SORCS1: variants seen among roughly 807,000 people sequenced by gnomAD.
SORCS1 encodes VPS10 domain-containing receptor SorCS1.
A neutral mutation model predicts 146.1 loss-of-function variants in SORCS1; 60 were observed. That is an observed-to-expected ratio of 0.41 (90% CI 0.33 to 0.51). The LOEUF (loss-of-function observed/expected upper bound fraction) is 0.51. Ranked by LOEUF, SORCS1 falls within the 20% of genes least tolerant of loss-of-function variation. SORCS1 has a pLI of 0.21. For synonymous variants in SORCS1, 637 were observed against 584.0 expected (o/e 1.09, Z -1.31); for missense variants, 1,352 against 1,487.6 (o/e 0.91, Z 1.50).
chr10:106,636,386 T>C (rs1174605027), intron 18 of SORCS1, among the ~76,000 whole-genome samples: 1 of 152,214 alleles, frequency 6.6e-6, no homozygotes, highest in Non-Finnish European at 1.5e-5. Flanking sequence ...CTACTTTCTA[T>C]ATATTATCTT....
chr10:106,976,333 G>GTTTTTTTTTGTTTTTTTTTTTT (rs1554901319), intron 1 of SORCS1, among the ~76,000 whole-genome samples: 3 of 113,810 alleles, frequency 2.6e-5, no homozygotes, highest in Admixed American at 9.2e-5. Flanking sequence ...AGGTTTTTTT[G>GTTTTTTTTTGTTTTTTTTTTTT]TTTTTTTTTT....
intron 4 of SORCS1, among the ~76,000 whole-genome samples, chr10:106,766,387 A>G (rs1859576493): frequency 6.6e-6 from 1 of 152,168 alleles, no homozygotes; most frequent in South Asian, 2.1e-4. Context: ...CAAGAAAGAG[A>G]TGGTACCTTA....
intron 5 of SORCS1, among the ~76,000 whole-genome samples, chr10:106,755,584 T>TTGTGTGTGTG (rs57442916): frequency 6.7e-6 from 1 of 149,828 alleles, no homozygotes; most frequent in African/African-American, 2.5e-5. Context: ...AACATAATCT[T>TTGTGTGTGTG]TGTGTGTGTG....
At position 106,856,278 on chromosome 10, in the gene SORCS1, C is replaced by T. The variant is rs926744062; in HGVS notation, c.627-26605G>A. On this transcript the variant is annotated intron_variant, in intron 2 of 25. Transcript: ENST00000263054. Reference sequence around the variant, plus strand: ...CTGACCTCAGGTGATCCACCCACCTCGGCCTCCCAAAATGCTGGGATTACT... The same window carrying T: ...CTGACCTCAGGTGATCCACCCACCTTGGCCTCCCAAAATGCTGGGATTACT... Among the ~76,000 whole-genome samples the T allele has an allele frequency of 2.0e-5, 3 of 152,146 alleles. No homozygotes were observed. The East Asian group carries it at 5.8e-4, about 29-fold the overall frequency.
intron 1 of SORCS1, among the ~76,000 whole-genome samples, chr10:107,033,580 T>C (rs1958763999): frequency 6.6e-6 from 1 of 152,188 alleles, no homozygotes. Flanking sequence ...TAAACACCAA[T>C]TTCTCTATGC....
chr10:106,598,552 G>A (rs923839982), intron 23 of SORCS1, among the ~76,000 whole-genome samples: 1 of 151,962 alleles, frequency 6.6e-6, no homozygotes, highest in African/African-American at 2.4e-5. Flanking sequence ...GAGCCACTGC[G>A]CCCGGCCCAC....
chr10:106,637,017 C>T (rs1848767286), intron 18 of SORCS1, among the ~76,000 whole-genome samples: 1 of 152,216 alleles, frequency 6.6e-6, no homozygotes, highest in Non-Finnish European at 1.5e-5. Context: ...GTGTAATATG[C>T]CAGGCTCTGT....
chr10:106,887,983 T>A (rs1238553267), intron 2 of SORCS1, among the ~76,000 whole-genome samples: 1 of 152,214 alleles, frequency 6.6e-6, no homozygotes. Flanking sequence ...TGACTTATTA[T>A]GTAACATGAA....
At chr10:106,813,805 G>A (rs935852935) in intron 3 of SORCS1, among the ~76,000 whole-genome samples, 30 of 152,016 alleles carry the variant, frequency 2.0e-4, no homozygotes, top group African/African-American at 7.2e-4. Flanking sequence ...TGGCAGAGGG[G>A]ACAGTGGGCG....
intron 5 of SORCS1, among the ~76,000 whole-genome samples, chr10:106,758,806 G>A (rs1323842675): frequency 6.6e-6 from 1 of 152,184 alleles, no homozygotes; most frequent in Non-Finnish European, 1.5e-5. Context: ...AGATCCTGGA[G>A]AAAGAAGATG....
At chr10:106,629,479 G>T in intron 18 of SORCS1, 91 bp from the exon 19 acceptor site, 2 of 1,375,280 alleles carry the variant, frequency 1.5e-6, no homozygotes, top group East Asian at 2.4e-5. Context: ...CTAGTCCCTG[G>T]CTCAGGCATG....
intron 1 of SORCS1, among the ~76,000 whole-genome samples, chr10:107,135,280 GAAGACTA>G (rs1428653407): frequency 1.3e-5 from 2 of 152,204 alleles, no homozygotes; most frequent in Non-Finnish European, 2.9e-5. Context: ...CCAGAAGGCT[GAAGACTA>G]TATTTACTTT....
At chr10:106,716,547 T>C (rs936587754) in intron 6 of SORCS1, among the ~76,000 whole-genome samples, 7 of 152,216 alleles carry the variant, frequency 4.6e-5, no homozygotes, top group Admixed American at 3.9e-4. Context: ...AGTCTGTGTC[T>C]TGAGGGCTTC....
At chr10:106,700,825 T>TATGACATAC (rs1214027537) in intron 8 of SORCS1, among the ~76,000 whole-genome samples, 4 of 152,216 alleles carry the variant, frequency 2.6e-5, no homozygotes, top group Admixed American at 2.6e-4. Context: ...TCAGGTTCCA[T>TATGACATAC]ATGACATACT....
intron 2 of SORCS1, among the ~76,000 whole-genome samples, chr10:106,842,904 T>C (rs945868312): frequency 6.6e-6 from 1 of 152,182 alleles, no homozygotes; most frequent in Non-Finnish European, 1.5e-5. Context: ...TGAGCCACTG[T>C]GCCTGGCCCT....
intron 2 of SORCS1, among the ~76,000 whole-genome samples, chr10:106,947,718 C>A (rs2138849821): frequency 6.6e-6 from 1 of 152,142 alleles, no homozygotes; most frequent in African/African-American, 2.4e-5. Context: ...TGGTGGCAGG[C>A]ACCTGCAATC....
At chr10:107,075,198 G>A (rs7087900) in intron 1 of SORCS1, among the ~76,000 whole-genome samples, 2,056 of 152,152 alleles carry the variant, frequency 0.014, 46 homozygotes, top group African/African-American at 0.047. Context: ...GAGAACTTGA[G>A]GTAATGAGAG....
intron 2 of SORCS1, among the ~76,000 whole-genome samples, chr10:106,880,547 C>G (rs998496999): frequency 6.6e-6 from 1 of 152,066 alleles, no homozygotes; most frequent in African/African-American, 2.4e-5. Context: ...AGCTTCTAAA[C>G]CAACAGGTCT....
chr10:107,139,400 T>C (rs1967608696), intron 1 of SORCS1, among the ~76,000 whole-genome samples: 1 of 152,152 alleles, frequency 6.6e-6, no homozygotes, highest in Non-Finnish European at 1.5e-5. Flanking sequence ...ATCTAAAAGC[T>C]TTCTAAATGA....
Sources: allele counts gnomAD v4.1 joint callset (sites outside exome capture counted in the v4.1 genomes callset), GRCh38; gene constraint gnomAD v4.1.1; transcripts MANE v1.5; gene names NCBI Gene and HGNC (gene_info 2026-07-23, HGNC 2026-07-21).